The following RANBP2 variants were observed in gnomAD, a reference collection of about 807,000 sequenced individuals.
RANBP2 encodes E3 SUMO-protein ligase RanBP2.
A neutral mutation model predicts 303.6 loss-of-function variants in RANBP2; 57 were observed. That is an observed-to-expected ratio of 0.19 (90% confidence interval 0.15 to 0.23). RANBP2 has a LOEUF of 0.23. RANBP2 is among the 10% of genes least tolerant of loss of function. The pLI is 1.00. For synonymous variants in RANBP2, 1,167 were observed against 1,301.5 expected (o/e 0.90, Z 2.23); for missense variants, 3,138 against 3,780.8 (o/e 0.83, Z 4.46).
chr2:108,850,768 A>G, the RANBP2 span, among the ~76,000 whole-genome samples: 1 of 152,084 alleles, frequency 6.6e-6, no homozygotes, highest in South Asian at 2.1e-4. Context: ...GAGTTTTGAC[A>G]CCACAGTGCT....
the RANBP2 span, among the ~76,000 whole-genome samples, chr2:108,903,566 C>T: frequency 3.3e-5 from 5 of 152,200 alleles, no homozygotes; most frequent in South Asian, 1.0e-3. Flanking sequence ...ATAAATGCAA[C>T]AGAACAGCAA....
chr2:109,065,859 C>G, the RANBP2 span, among the ~76,000 whole-genome samples: 1 of 152,206 alleles, frequency 6.6e-6, no homozygotes, highest in Non-Finnish European at 1.5e-5. Context: ...GCAGAGGCAA[C>G]AAAGTGAGGT....
chr2:109,529,040 C>T, the RANBP2 span, among the ~76,000 whole-genome samples: 7 of 152,282 alleles, frequency 4.6e-5, no homozygotes, highest in South Asian at 2.1e-4. Context: ...GCTGAGTTGG[C>T]GGAGATTTGT....
At chr2:108,876,769 G>C in the RANBP2 span, among the ~76,000 whole-genome samples, 1 of 151,558 alleles carries the variant, frequency 6.6e-6, no homozygotes, top group African/African-American at 2.4e-5. Flanking sequence ...TTATTATGCT[G>C]TTCACAGGTT....
intron 9 of RANBP2, among the ~76,000 whole-genome samples, chr2:108,749,585 A>G (rs1431335913): frequency 6.6e-6 from 1 of 151,754 alleles, no homozygotes; most frequent in Non-Finnish European, 1.5e-5. Flanking sequence ...GGTGTGAGCC[A>G]CTGCGACCAG....
the RANBP2 span, among the ~76,000 whole-genome samples, chr2:109,233,166 G>GT: frequency 6.6e-6 from 1 of 152,228 alleles, no homozygotes; most frequent in Non-Finnish European, 1.5e-5. Flanking sequence ...AACCAGCTCA[G>GT]TGGACAGTCA....
the RANBP2 span, among the ~76,000 whole-genome samples, chr2:109,088,120 C>T: frequency 0.011 from 1,645 of 151,948 alleles, 35 homozygotes; most frequent in African/African-American, 0.037. Flanking sequence ...AAAATTAGGC[C>T]GGGTACGGTG....
chr2:109,432,743 G>T, the RANBP2 span: 2 of 1,520,166 alleles, frequency 1.3e-6, no homozygotes, highest in Non-Finnish European at 8.8e-7. Context: ...TGTTGTTACT[G>T]CTGGAGGCTA....
the RANBP2 span, among the ~76,000 whole-genome samples, chr2:109,320,176 G>A: frequency 1.8e-3 from 280 of 152,262 alleles, no homozygotes; most frequent in Non-Finnish European, 3.3e-3. Context: ...TCTCATGGCC[G>A]TCACAGCCCT....
chr2:109,129,897 C>T, the RANBP2 span: 2 of 1,511,146 alleles, frequency 1.3e-6, no homozygotes, highest in East Asian at 2.7e-5. Context: ...GACTGCTGGA[C>T]GGCATCCGTC....
At chr2:109,078,096 A>ATATAGATAGATAGCGTG in the RANBP2 span, among the ~76,000 whole-genome samples, 14 of 54,636 alleles carry the variant, frequency 2.6e-4, 1 homozygote, top group East Asian at 0.017. Flanking sequence ...ATATATATAT[A>ATATAGATAGATAGCGTG]TATATATATA....
the RANBP2 span, chr2:109,129,818 G>T: frequency 6.5e-7 from 1 of 1,537,702 alleles, no homozygotes; most frequent in East Asian, 2.5e-5. Flanking sequence ...CACGAGCTGC[G>T]CTGCCCCGAG....
the RANBP2 span, among the ~76,000 whole-genome samples, chr2:108,835,802 A>C: frequency 6.6e-6 from 1 of 152,232 alleles, no homozygotes; most frequent in Non-Finnish European, 1.5e-5. Context: ...GTTACAACAG[A>C]ATATCTGAGA....
At chr2:109,374,748 G>A in the RANBP2 span, among the ~76,000 whole-genome samples, 1 of 152,194 alleles carries the variant, frequency 6.6e-6, no homozygotes, top group African/African-American at 2.4e-5. Flanking sequence ...CGCTCCAGCC[G>A]GGATCTGCAG....
chr2:108,788,388 C>T (rs1679291696), downstream of RANBP2, among the ~76,000 whole-genome samples: 1 of 148,232 alleles, frequency 6.7e-6, no homozygotes, highest in Non-Finnish European at 1.5e-5. Context: ...CCACTACACT[C>T]CAGCCTGGGC....
chr2:109,007,291 T>C, the RANBP2 span, among the ~76,000 whole-genome samples: 1 of 152,256 alleles, frequency 6.6e-6, no homozygotes, highest in African/African-American at 2.4e-5. Context: ...GCTAGCTCTC[T>C]TTCTAGCAGA....
At chr2:109,625,108 GAAAAGAAAA>G in the RANBP2 span, among the ~76,000 whole-genome samples, 2 of 117,632 alleles carry the variant, frequency 1.7e-5, no homozygotes, top group Non-Finnish European at 3.6e-5. Flanking sequence ...AAAAAAAAAA[GAAAAGAAAA>G]GAAAGAAAAG....
chr2:109,382,252 A>T, the RANBP2 span, among the ~76,000 whole-genome samples: 1 of 145,364 alleles, frequency 6.9e-6, no homozygotes, highest in Non-Finnish European at 1.5e-5. Flanking sequence ...TTCCTTAACC[A>T]TAGGGTCTGT....
chr2:109,699,741 C>T, the RANBP2 span, among the ~76,000 whole-genome samples: 1 of 152,068 alleles, frequency 6.6e-6, no homozygotes, highest in Admixed American at 6.6e-5. Flanking sequence ...CAGCTCAAAC[C>T]CATATTGTTC....
Sources: gnomAD v4.1 joint callset for allele counts (sites outside exome capture counted in the v4.1 genomes callset) on GRCh38, gnomAD v4.1.1 for gene constraint, MANE v1.5 for transcripts, NCBI Gene and HGNC (gene_info 2026-07-23, HGNC 2026-07-21) for gene names.